Variants in ITGBL1 observed in about 807,000 individuals in gnomAD.
The protein encoded by ITGBL1 is integrin subunit beta like 1.
ITGBL1 carries 51 observed loss-of-function variants against 68.5 expected under a neutral mutation model. That is an observed-to-expected ratio of 0.74 (90% CI 0.59 to 0.94). ITGBL1 has a LOEUF of 0.94. Among genes scored for constraint, ITGBL1 ranks in the 40% least tolerant of loss-of-function variants. The pLI is 0.00. For synonymous variants in ITGBL1, 209 were observed against 227.3 expected, an observed-to-expected ratio of 0.92 and a Z score of 0.72; for missense variants, 649 against 647.4, an observed-to-expected ratio of 1.00 and a Z score of -0.03.
At chr13:101,689,211 T>TAAAAAAA (rs34627046) in intron 7 of ITGBL1, among the ~76,000 whole-genome samples, 976 of 74,766 alleles carry the variant, frequency 0.013, 44 homozygotes, top group African/African-American at 0.041. Flanking sequence ...AGACTCTGCC[T>TAAAAAAA]AAAAAAAAAA....
intron 6 of ITGBL1, among the ~76,000 whole-genome samples, chr13:101,588,818 C>G (rs1056533428): frequency 6.6e-6 from 1 of 151,998 alleles, no homozygotes; most frequent in Non-Finnish European, 1.5e-5. Context: ...TTGACTTTAT[C>G]TCTACCAAAT....
At chr13:101,632,216 T>C (rs2032008196) in intron 7 of ITGBL1, among the ~76,000 whole-genome samples, 1 of 151,970 alleles carries the variant, frequency 6.6e-6, no homozygotes, top group African/African-American at 2.4e-5. Flanking sequence ...TACTAAATAA[T>C]ACAAAGGTAA....
intron 8 of ITGBL1, among the ~76,000 whole-genome samples, chr13:101,703,268 CT>C (rs939444520): frequency 1.1e-4 from 17 of 152,016 alleles, no homozygotes; most frequent in African/African-American, 3.9e-4. Context: ...AGGGTAGTCG[CT>C]TTTTGCTGAG....
At chr13:101,707,215 G>A (rs1349713502) in intron 9 of ITGBL1, among the ~76,000 whole-genome samples, 1 of 151,926 alleles carries the variant, frequency 6.6e-6, no homozygotes, top group African/African-American at 2.4e-5. Context: ...CCAAAAATGG[G>A]GAAAAAAGGC....
intron 2 of ITGBL1, among the ~76,000 whole-genome samples, chr13:101,552,837 G>A (rs1318796149): frequency 6.6e-6 from 1 of 152,202 alleles, no homozygotes; most frequent in Non-Finnish European, 1.5e-5. Flanking sequence ...CATAACATTT[G>A]TAGATCATAA....
At chr13:101,582,322 T>TA (rs1445024994) in intron 5 of ITGBL1, among the ~76,000 whole-genome samples, 2 of 152,192 alleles carry the variant, frequency 1.3e-5, no homozygotes, top group African/African-American at 2.4e-5. Flanking sequence ...GGGTCTTGAA[T>TA]AAAAAGAGTT....
chr13:101,632,145 C>CTATA (rs1398303688), intron 7 of ITGBL1, among the ~76,000 whole-genome samples: 6 of 149,450 alleles, frequency 4.0e-5, no homozygotes, highest in African/African-American at 7.5e-5. Flanking sequence ...CTCTCTCTCT[C>CTATA]TCTCTATATA....
At chr13:101,656,146 A>T (rs2139465505) in intron 7 of ITGBL1, among the ~76,000 whole-genome samples, 1 of 152,236 alleles carries the variant, frequency 6.6e-6, no homozygotes, top group African/African-American at 2.4e-5. Flanking sequence ...ATATATAGAA[A>T]GGAAATGTTC....
intron 2 of ITGBL1, among the ~76,000 whole-genome samples, chr13:101,455,102 C>T (rs1317995884): frequency 6.6e-6 from 1 of 152,136 alleles, no homozygotes; most frequent in African/African-American, 2.4e-5. Context: ...TGCATTCCAG[C>T]CAGGGTTTGG....
chr13:101,606,731 C>T (rs1032749830), intron 7 of ITGBL1, among the ~76,000 whole-genome samples: 1 of 151,970 alleles, frequency 6.6e-6, no homozygotes, highest in African/African-American at 2.4e-5. Flanking sequence ...GACCCATTAG[C>T]TTGGCTCTCT....
chr13:101,464,902 A>G (rs933710099), intron 2 of ITGBL1, among the ~76,000 whole-genome samples: 2 of 152,218 alleles, frequency 1.3e-5, no homozygotes, highest in African/African-American at 4.8e-5. Flanking sequence ...TGTAATGCTG[A>G]CACTCTTGAT....
chr13:101,565,704 G>A (rs984379518), intron 2 of ITGBL1, among the ~76,000 whole-genome samples: 16 of 152,248 alleles, frequency 1.1e-4, no homozygotes, highest in African/African-American at 3.9e-4. Context: ...GCTCATTAGT[G>A]TGCTGATATA....
intron 2 of ITGBL1, among the ~76,000 whole-genome samples, chr13:101,544,697 T>C (rs1004534742): frequency 3.9e-5 from 6 of 152,146 alleles, no homozygotes; most frequent in Non-Finnish European, 7.4e-5. Context: ...TGCGGTGGGC[T>C]CCACCCAGTT....
chr13:101,632,151 A>C (rs9554811), intron 7 of ITGBL1, among the ~76,000 whole-genome samples: 9,091 of 135,120 alleles, frequency 0.067, 300 homozygotes, highest in East Asian at 0.2. Context: ...CTCTCTCTCT[A>C]TATATATATA....
Position 101,556,422 on chromosome 13 carries a change from A to C in ITGBL1, c.317-11277A>C, listed in dbSNP as rs576735945. Among the ~76,000 whole-genome samples, 3 of 152,248 alleles carry C rather than the reference A, an allele frequency of 2.0e-5. No homozygotes were observed. In the East Asian group the frequency reaches 5.8e-4, roughly 29 times the overall value. On this transcript the variant is annotated intron_variant, in intron 2 of 10. Coordinates refer to ENST00000376180, the MANE Select transcript of ITGBL1 (RefSeq NM_004791.3). ...GAGGCCGAGGCAGGCGGATCCCCTG[A>C]GGTCGGGAGTTCGAGACCAGCCTGA...
At chr13:101,516,634 G>A (rs1022887681) in intron 2 of ITGBL1, among the ~76,000 whole-genome samples, 2 of 152,148 alleles carry the variant, frequency 1.3e-5, no homozygotes, top group Non-Finnish European at 2.9e-5. Flanking sequence ...AAAGCTAACT[G>A]TATTATGTTC....
rs577537310 is a variant in ITGBL1, at chr13:101,650,624, T to C, written c.1016-41961T>C. ...GCCAGGTGACTTCTTTTTTTTCTTT[T>C]TTTTTTTTTTTAGTCAACTTTTAAT... On this transcript the variant is annotated intron_variant, in intron 7 of 10. Transcript: ENST00000376180. Among the ~76,000 whole-genome samples the C allele has an allele frequency of 3.3e-5, 5 of 151,834 alleles. No individual in the cohort carries two copies. The South Asian group carries it at 6.2e-4, about 19-fold the overall frequency.
At chr13:101,654,944 G>C (rs944326890) in intron 7 of ITGBL1, among the ~76,000 whole-genome samples, 1 of 152,150 alleles carries the variant, frequency 6.6e-6, no homozygotes, top group African/African-American at 2.4e-5. Context: ...AATGTTCAGA[G>C]AAGAAGGTGT....
At chr13:101,461,875 G>T (rs992174848) in intron 2 of ITGBL1, among the ~76,000 whole-genome samples, 2 of 152,138 alleles carry the variant, frequency 1.3e-5, no homozygotes, top group Non-Finnish European at 2.9e-5. Flanking sequence ...GGCTTAAACA[G>T]CTCAGATGTC....
Sources: gnomAD v4.1 joint callset for allele counts (sites outside exome capture counted in the v4.1 genomes callset) on GRCh38, gnomAD v4.1.1 for gene constraint, MANE v1.5 for transcripts, NCBI Gene and HGNC (gene_info 2026-07-23, HGNC 2026-07-21) for gene names.